Variants in ESRRG observed in about 807,000 individuals in gnomAD.
ESRRG encodes estrogen related receptor gamma.
ESRRG carries 13 observed loss-of-function variants against 44.0 expected under a neutral mutation model. The ratio of observed to expected loss-of-function variants is 0.30; its 90% confidence interval spans 0.19 to 0.47. ESRRG has a LOEUF of 0.47. Ranked by LOEUF, ESRRG falls within the 20% of genes least tolerant of loss-of-function variation. ESRRG has a pLI of 1.00. For synonymous variants in ESRRG, 215 were observed against 214.6 expected, an observed-to-expected ratio of 1.00 and a Z score of -0.02; for missense variants, 395 against 580.6, an observed-to-expected ratio of 0.68 and a Z score of 3.29.
At chr1:216,543,444 C>T (rs1572650822) in intron 5 of ESRRG, among the ~76,000 whole-genome samples, 1 of 152,100 alleles carries the variant, frequency 6.6e-6, no homozygotes, top group East Asian at 1.9e-4. Flanking sequence ...TGCCTTGAAC[C>T]TCAAGGTTTA....
intron 2 of ESRRG, among the ~76,000 whole-genome samples, chr1:216,798,408 G>T (rs1473881369): frequency 6.6e-6 from 1 of 152,130 alleles, no homozygotes; most frequent in Admixed American, 6.6e-5. Flanking sequence ...CCCTGCATGT[G>T]CAAAGTTCTG....
At chr1:216,823,673 G>T (rs1430652496) in intron 2 of ESRRG, among the ~76,000 whole-genome samples, 1 of 152,064 alleles carries the variant, frequency 6.6e-6, no homozygotes. Context: ...CAACTTTCAG[G>T]TTTTCTAATT....
intron 1 of ESRRG, among the ~76,000 whole-genome samples, chr1:216,722,309 G>C (rs1007616382): frequency 3.3e-5 from 5 of 152,134 alleles, no homozygotes; most frequent in Admixed American, 1.3e-4. Context: ...GACAGCTCTC[G>C]TGATATACTA....
At chr1:216,542,819 C>A (rs2053296446) in intron 5 of ESRRG, among the ~76,000 whole-genome samples, 1 of 152,062 alleles carries the variant, frequency 6.6e-6, no homozygotes, top group Non-Finnish European at 1.5e-5. Context: ...TAGAGTCTTG[C>A]ATGTCTCATG....
chr1:217,127,763 T>G (rs986365801), intron 1 of ESRRG, among the ~76,000 whole-genome samples: 5 of 152,242 alleles, frequency 3.3e-5, no homozygotes, highest in African/African-American at 1.2e-4. Flanking sequence ...TTTGTGGAAC[T>G]GTTTCAGTTA....
chr1:217,038,662 A>G (rs1323006905), intron 1 of ESRRG, among the ~76,000 whole-genome samples: 7 of 152,218 alleles, frequency 4.6e-5, no homozygotes, highest in Non-Finnish European at 1.0e-4. Flanking sequence ...CCAGGAAGCC[A>G]TCTTTTCTTT....
chr1:216,542,932 C>T (rs1005005141), intron 5 of ESRRG, among the ~76,000 whole-genome samples: 2 of 151,970 alleles, frequency 1.3e-5, no homozygotes, highest in Non-Finnish European at 1.5e-5. Context: ...CCCCTTCCCC[C>T]CAAGCACATG....
At chr1:216,568,824 G>A (rs576695829) in intron 3 of ESRRG, among the ~76,000 whole-genome samples, 2 of 152,230 alleles carry the variant, frequency 1.3e-5, no homozygotes, top group East Asian at 1.9e-4. Context: ...GGAGGCCAAG[G>A]CGGGCAGATC....
At chr1:216,880,160 A>G (rs534712253) in intron 2 of ESRRG, among the ~76,000 whole-genome samples, 1 of 151,838 alleles carries the variant, frequency 6.6e-6, no homozygotes, top group South Asian at 2.1e-4. Context: ...TACAAAAATT[A>G]GCCAGGCATG....
intron 1 of ESRRG, among the ~76,000 whole-genome samples, chr1:217,029,028 T>A (rs929877611): frequency 6.6e-6 from 1 of 150,690 alleles, no homozygotes; most frequent in African/African-American, 2.5e-5. Context: ...CCATTACAGC[T>A]CAGAGTTTAA....
chr1:216,811,308 C>T (rs140150998), intron 2 of ESRRG, among the ~76,000 whole-genome samples: 4 of 152,062 alleles, frequency 2.6e-5, no homozygotes, highest in East Asian at 1.9e-4. Flanking sequence ...AATGGTCTAT[C>T]GTCCACATTT....
Position 216,748,919 on chromosome 1 carries a change from A to G in ESRRG, c.-13-71428T>C, listed in dbSNP as rs909851280. On this transcript the variant is annotated intron_variant, in intron 2 of 7. Transcript: ENST00000359162. ...CACAGAGCTGGGGAGGGGCCCATCC[A>G]TTTGAGTCTATGCTTATGGGGTGGC... Among the ~76,000 whole-genome samples, 5 of 152,200 alleles carry G rather than the reference A, an allele frequency of 3.3e-5. No homozygotes were observed. In the South Asian group the frequency reaches 1.0e-3, roughly 31 times the overall value.
intron 1 of ESRRG, among the ~76,000 whole-genome samples, chr1:216,721,360 T>C (rs1247043082): frequency 1.3e-5 from 2 of 152,250 alleles, no homozygotes; most frequent in African/African-American, 4.8e-5. Flanking sequence ...ATAGCATGTA[T>C]AAATTCTGTG....
intron 2 of ESRRG, among the ~76,000 whole-genome samples, chr1:216,909,955 G>T (rs2060122070): frequency 2.6e-5 from 4 of 151,980 alleles, no homozygotes; most frequent in Admixed American, 2.6e-4. Context: ...AAAGAACATT[G>T]GATGTAGAGT....
chr1:216,937,320 A>G (rs2064309445), intron 2 of ESRRG, among the ~76,000 whole-genome samples: 1 of 152,178 alleles, frequency 6.6e-6, no homozygotes, highest in Non-Finnish European at 1.5e-5. Context: ...ATATAAAAAT[A>G]GGCTTGAACA....
intron 1 of ESRRG, among the ~76,000 whole-genome samples, chr1:217,121,155 T>C (rs1259990912): frequency 3.3e-5 from 5 of 150,074 alleles, no homozygotes; most frequent in African/African-American, 1.2e-4. Context: ...CACACACTCA[T>C]TTATCAGGCA....
intron 2 of ESRRG, among the ~76,000 whole-genome samples, chr1:216,876,337 AC>A (rs1300360899): frequency 6.6e-6 from 1 of 152,146 alleles, no homozygotes; most frequent in East Asian, 1.9e-4. Flanking sequence ...GTTATGAGCT[AC>A]CTTTCATTAC....
intron 5 of ESRRG, among the ~76,000 whole-genome samples, chr1:216,539,825 C>T (rs2052150834): frequency 6.6e-6 from 1 of 151,674 alleles, no homozygotes. Flanking sequence ...TGTTGTCTCA[C>T]CTTTGACGCA....
intron 1 of ESRRG, among the ~76,000 whole-genome samples, chr1:217,002,906 A>T (rs1432073665): frequency 2.0e-5 from 3 of 152,146 alleles, no homozygotes; most frequent in Non-Finnish European, 4.4e-5. Context: ...AGAATTGCCC[A>T]ACCAAGCTGC....
Sources: gnomAD v4.1 joint callset for allele counts (sites outside exome capture counted in the v4.1 genomes callset) on GRCh38, gnomAD v4.1.1 for gene constraint, MANE v1.5 for transcripts, NCBI Gene and HGNC (gene_info 2026-07-23, HGNC 2026-07-21) for gene names.